COL4A5: variants seen among roughly 807,000 people sequenced by gnomAD.
COL4A5 encodes the protein collagen alpha-5(IV) chain.
A neutral mutation model predicts 130.2 loss-of-function variants in COL4A5; 26 were observed. The ratio of observed to expected loss-of-function variants is 0.20; its 90% CI spans 0.15 to 0.28. COL4A5 has a LOEUF of 0.28. Among genes scored for constraint, COL4A5 ranks in the 10% least tolerant of loss-of-function variants. The pLI is 1.00. For missense variants in COL4A5, 1,131 were observed against 1,344.3 expected, an observed-to-expected ratio of 0.84 and a Z score of 2.48; for synonymous variants, 496 against 439.6, an observed-to-expected ratio of 1.13 and a Z score of -1.60.
At chrX:108,502,309 G>A (rs1237820424) in intron 1 of COL4A5, among the ~76,000 whole-genome samples, 1 of 110,781 alleles carries the variant, frequency 9.0e-6, no homozygotes, top group Non-Finnish European at 1.9e-5. Flanking sequence ...TTTGGAGATG[G>A]AGTTTCGTTC....
chrX:108,647,489 G>A (rs1375043567), intron 36 of COL4A5, among the ~76,000 whole-genome samples: 19 of 111,134 alleles, frequency 1.7e-4, no homozygotes, highest in African/African-American at 4.6e-4. Flanking sequence ...GGGCTGAGAC[G>A]ATGGGGTTTT....
intron 37 of COL4A5, among the ~76,000 whole-genome samples, chrX:108,663,256 T>G (rs1321458598): frequency 9.0e-6 from 1 of 111,685 alleles, no homozygotes; most frequent in East Asian, 2.8e-4. Context: ...TTATAATCAG[T>G]GAGAAAAAAA....
rs765380846 is a variant in COL4A5, at chrX:108,624,231, G to A, written c.2918-5G>A. ...TAACTTGCCTCTTCTACTCATTCTT[G>A]GAAGGTATACCTGGAGTTTCAGGGC... On this transcript the variant is annotated splice_polypyrimidine_tract_variant and splice_region_variant and intron_variant, in intron 33 of 52. Coordinates refer to ENST00000328300, the MANE Select transcript of COL4A5 (RefSeq NM_033380.3). 2.5e-6 allele frequency: 3 copies of A among 1,201,012 alleles called. No homozygotes were observed. In the East Asian group the frequency reaches 8.9e-5, roughly 36 times the overall value.
At chrX:108,504,484 A>G (rs974894607) in intron 1 of COL4A5, among the ~76,000 whole-genome samples, 2 of 112,278 alleles carry the variant, frequency 1.8e-5, no homozygotes, top group African/African-American at 3.2e-5. Flanking sequence ...TAAACTATGC[A>G]TCTGATAAAA....
chrX:108,475,656 G>A (rs1271020021), intron 1 of COL4A5, among the ~76,000 whole-genome samples: 1 of 110,822 alleles, frequency 9.0e-6, no homozygotes, highest in African/African-American at 3.3e-5. Context: ...GTCACAACTG[G>A]GGGCTGTTAT....
intron 1 of COL4A5, among the ~76,000 whole-genome samples, chrX:108,463,330 C>A (rs914476199): frequency 9.0e-6 from 1 of 111,384 alleles, no homozygotes; most frequent in South Asian, 3.7e-4. Flanking sequence ...AATCAAATTT[C>A]TATTAGTTTA....
chrX:108,452,331 C>G (rs2064525867), intron 1 of COL4A5, among the ~76,000 whole-genome samples: 1 of 111,575 alleles, frequency 9.0e-6, no homozygotes, highest in South Asian at 3.8e-4. Context: ...TCCATATGAA[C>G]TTTAAAGTAG....
chrX:108,537,878 T>G (rs1051265604), intron 1 of COL4A5, among the ~76,000 whole-genome samples: 7 of 112,336 alleles, frequency 6.2e-5, no homozygotes, highest in Middle Eastern at 4.6e-3. Flanking sequence ...AGTTACTGTC[T>G]TGTGAACTTG....
At chrX:108,625,976 G>T in intron 35 of COL4A5, among the ~76,000 whole-genome samples, 182 bp downstream of exon 35, 1 of 111,967 alleles carries the variant, frequency 8.9e-6, no homozygotes, top group East Asian at 2.8e-4. Flanking sequence ...GGACAAAATT[G>T]TAGAAACCTT....
intron 31 of COL4A5, 126 bp from the exon 32 acceptor site, chrX:108,621,677 A>C (rs2067053597): frequency 1.9e-6 from 1 of 539,641 alleles, no homozygotes; most frequent in Admixed American, 2.7e-5. Context: ...TATGGTCAAA[A>C]AGTCTAAAAC....
intron 13 of COL4A5, among the ~76,000 whole-genome samples, chrX:108,579,391 T>C (rs1302601197): frequency 8.9e-6 from 1 of 112,539 alleles, no homozygotes; most frequent in Non-Finnish European, 1.9e-5. Context: ...ATTGTGTAAA[T>C]AGTCTACATT....
intron 29 of COL4A5, among the ~76,000 whole-genome samples, 166 bp from the exon 30 acceptor site, chrX:108,614,745 G>T (rs1320197744): frequency 8.9e-6 from 1 of 112,181 alleles, no homozygotes; most frequent in East Asian, 2.8e-4. Flanking sequence ...TTATAAGGCT[G>T]TAACTATTAA....
At chrX:108,603,338 T>C (rs1435884771) in intron 28 of COL4A5, among the ~76,000 whole-genome samples, 1 of 108,930 alleles carries the variant, frequency 9.2e-6, no homozygotes, top group Admixed American at 9.9e-5. Flanking sequence ...CAGGCATACC[T>C]TGGAGATATT....
At chrX:108,552,145 C>T (rs773586715) in intron 2 of COL4A5, among the ~76,000 whole-genome samples, 7 of 111,250 alleles carry the variant, frequency 6.3e-5, no homozygotes, top group Non-Finnish European at 9.4e-5. Flanking sequence ...TACTCCAAAC[C>T]TCAGTGACAT....
Position 108,669,906 on chromosome X carries a change from G to A in COL4A5, c.3791-322G>A, listed in dbSNP as rs2068164069. On this transcript the variant is annotated intron_variant, in intron 41 of 52. Coordinates refer to ENST00000328300, the MANE Select transcript of COL4A5 (RefSeq NM_033380.3). ...TTCATAAACTATAAATTAAAACTGAGTTGTAAACCCCATTGCTCTTAGAAT... is the reference window on the plus strand; with the variant it reads ...TTCATAAACTATAAATTAAAACTGAATTGTAAACCCCATTGCTCTTAGAAT... 1.4e-5 allele frequency: 3 copies of A among 211,577 alleles called. No individual in the cohort carries two copies. The South Asian group carries it at 4.7e-4, about 33-fold the overall frequency. The allele number at this position is 211,577 out of a possible 1,213,427, so 17.4% of individuals were successfully genotyped here.
chrX:108,683,877 C>T (rs1405344812), intron 47 of COL4A5, among the ~76,000 whole-genome samples: 1 of 111,428 alleles, frequency 9.0e-6, no homozygotes, highest in Non-Finnish European at 1.9e-5. Flanking sequence ...ATTGAATACC[C>T]ATTATTTCTT....
chrX:108,456,654 A>G (rs1426993341), intron 1 of COL4A5, among the ~76,000 whole-genome samples: 1 of 111,711 alleles, frequency 9.0e-6, no homozygotes, highest in Non-Finnish European at 1.9e-5. Context: ...AAGATACTCA[A>G]TATTTTGCTA....
At chrX:108,484,097 T>C (rs548594768) in intron 1 of COL4A5, among the ~76,000 whole-genome samples, 59 of 112,379 alleles carry the variant, frequency 5.3e-4, no homozygotes, top group Middle Eastern at 9.3e-3. Context: ...TTTTTTGTTT[T>C]TTGCTGTGCA....
At chrX:108,445,562 G>GAA (rs1219640683) in intron 1 of COL4A5, among the ~76,000 whole-genome samples, 6 of 111,850 alleles carry the variant, frequency 5.4e-5, no homozygotes, top group Non-Finnish European at 9.4e-5. Flanking sequence ...ATAGTCCTGT[G>GAA]AAACTTTCCC....
Sources: gnomAD v4.1 joint callset for allele counts (sites outside exome capture counted in the v4.1 genomes callset) on GRCh38, gnomAD v4.1.1 for gene constraint, MANE v1.5 for transcripts, NCBI Gene and HGNC (gene_info 2026-07-23, HGNC 2026-07-21) for gene names.